Variants in PLCG2 observed in about 807,000 individuals in gnomAD.
The protein encoded by PLCG2 is phospholipase C gamma 2.
In PLCG2, 69 loss-of-function variants were observed where a neutral mutation model predicts 175.6. The ratio of observed to expected loss-of-function variants is 0.39; its 90% CI spans 0.32 to 0.48. The LOEUF is 0.48. Among genes scored for constraint, PLCG2 ranks in the 20% least tolerant of loss-of-function variants. The pLI is 0.91. For missense variants in PLCG2, 1,798 were observed against 1,650.9 expected, an observed-to-expected ratio of 1.09 and a Z score of -1.54; for synonymous variants, 827 against 624.0, an observed-to-expected ratio of 1.33 and a Z score of -4.85.
intron 2 of PLCG2, chr16:81,767,671 C>G (rs559323325): frequency 5.9e-5 from 9 of 151,972 alleles, no homozygotes; most frequent in African/African-American, 2.2e-4. Flanking sequence ...TAAGTTTTGT[C>G]AAATATGTAA....
chr16:81,805,757 G>GTTTTT (rs1911978295), intron 2 of PLCG2, among the ~76,000 whole-genome samples: 1 of 60,218 alleles, frequency 1.7e-5, no homozygotes, highest in African/African-American at 7.8e-5. Context: ...TGAGAGTAGT[G>GTTTTT]TTTTGTTTTG....
chr16:81,871,789 T>C (rs531488598), intron 7 of PLCG2, among the ~76,000 whole-genome samples: 4 of 152,318 alleles, frequency 2.6e-5, no homozygotes, highest in African/African-American at 9.6e-5. Flanking sequence ...GGCCTGAGAA[T>C]ATATTATCGG....
chr16:81,949,221 C>T (rs570579422), intron 31 of PLCG2, among the ~76,000 whole-genome samples: 3 of 152,268 alleles, frequency 2.0e-5, no homozygotes, highest in Non-Finnish European at 1.5e-5. Context: ...CGGTGGAGAG[C>T]TATTAATGAA....
chr16:81,874,795 T>C (rs544250802), intron 7 of PLCG2, among the ~76,000 whole-genome samples: 63 of 152,282 alleles, frequency 4.1e-4, no homozygotes, highest in Middle Eastern at 6.8e-3. Context: ...TCCAAAAGTT[T>C]GGCAGCAGCA....
intron 13 of PLCG2, among the ~76,000 whole-genome samples, chr16:81,899,923 C>G (rs1236398586): frequency 6.6e-6 from 1 of 152,184 alleles, no homozygotes; most frequent in Non-Finnish European, 1.5e-5. Flanking sequence ...AGGCCCTGAT[C>G]CTGTATTTCC....
chr16:81,905,098 G>A (rs931613600), intron 14 of PLCG2, among the ~76,000 whole-genome samples: 1 of 152,216 alleles, frequency 6.6e-6, no homozygotes, highest in African/African-American at 2.4e-5. Context: ...TGTTGGCCAG[G>A]CTGGTCTAGA....
intron 30 of PLCG2, among the ~76,000 whole-genome samples, chr16:81,944,568 A>T (rs187639285): frequency 1.0e-3 from 152 of 152,300 alleles, no homozygotes; most frequent in African/African-American, 3.4e-3. Context: ...GGGCTCAAGC[A>T]ATCCTCCTGC....
chr16:81,915,048 G>A (rs1306534973), intron 19 of PLCG2, among the ~76,000 whole-genome samples: 1 of 152,232 alleles, frequency 6.6e-6, no homozygotes, highest in Non-Finnish European at 1.5e-5. Context: ...TCTCTGGTCA[G>A]GGTATGGGGT....
At position 81,958,002 on chromosome 16, in the gene PLCG2, C is replaced by A; in HGVS notation, c.*4C>A. On this transcript the variant is annotated 3_prime_UTR_variant, in exon 33 of 33. Transcript: ENST00000564138. ...CAACAGCAAGTTTTACTCATAGAAG[C>A]TGGGGTATGTGTGTAAGGGTATTGT... 1.2e-6 allele frequency: 2 copies of A among 1,606,858 alleles called. No individual in the cohort carries two copies. Among genetic ancestry groups the A allele is most frequent in the Non-Finnish European group, 1.7e-6 (2 of 1,173,422 alleles).
intron 2 of PLCG2, among the ~76,000 whole-genome samples, chr16:81,827,920 G>C (rs189447329): frequency 6.6e-6 from 1 of 151,786 alleles, no homozygotes; most frequent in Non-Finnish European, 1.5e-5. Context: ...GAGAAACCCC[G>C]TCTCTACTAA....
At chr16:81,915,623 G>C (rs1397749504) in intron 19 of PLCG2, among the ~76,000 whole-genome samples, 1 of 152,184 alleles carries the variant, frequency 6.6e-6, no homozygotes, top group Non-Finnish European at 1.5e-5. Flanking sequence ...GCCAGACACT[G>C]TGCCGACAGC....
chr16:81,921,627 A>G, intron 21 of PLCG2: 1 of 353,258 alleles, frequency 2.8e-6, no homozygotes, highest in Non-Finnish European at 5.5e-6. Flanking sequence ...TTGCAGTGCA[A>G]ATGCTATCTC....
intron 2 of PLCG2, among the ~76,000 whole-genome samples, chr16:81,838,778 AATATATATAT>A (rs10549962): frequency 0.15 from 21,856 of 141,656 alleles, 1,764 homozygotes; most frequent in South Asian, 0.23. Flanking sequence ...AGTAAAATTA[AATATATATAT>A]ATATATATAT....
chr16:81,800,145 A>T (rs887201843), intron 2 of PLCG2, among the ~76,000 whole-genome samples: 1 of 152,194 alleles, frequency 6.6e-6, no homozygotes, highest in East Asian at 1.9e-4. Context: ...TACTTTGGGT[A>T]TCATAGTACC....
chr16:81,886,866 T>C (rs1404664686), intron 9 of PLCG2, among the ~76,000 whole-genome samples: 1 of 152,202 alleles, frequency 6.6e-6, no homozygotes, highest in African/African-American at 2.4e-5. Flanking sequence ...TTTATTTTCA[T>C]CCTTATTCTT....
At chr16:81,899,091 A>G (rs1312025416) in intron 13 of PLCG2, among the ~76,000 whole-genome samples, 1 of 152,166 alleles carries the variant, frequency 6.6e-6, no homozygotes, top group Non-Finnish European at 1.5e-5. Context: ...CAGGAGGCTG[A>G]GGCAGGAGAA....
intron 2 of PLCG2, among the ~76,000 whole-genome samples, chr16:81,809,387 C>T (rs1335411023): frequency 6.6e-6 from 1 of 152,170 alleles, no homozygotes; most frequent in Non-Finnish European, 1.5e-5. Flanking sequence ...CTGGCTTGTT[C>T]TGCACTGACT....
chr16:81,936,176 T>C lies in PLCG2; in HGVS notation c.2850T>C (p.Pro950=). Residue 950 remains proline, a synonymous_variant, in exon 27 of 33, where the codon CCT becomes CCC. Transcript: ENST00000564138. ...CTTTTTCTCTGTGTGCAGAAAATCC[T>C]GACTTCCGAGAAATCCGCTCCTTTG... ...TSKTKDNLEN[P]DFREIRSFVE... 1 of 1,614,052 alleles carries C rather than the reference T, an allele frequency of 6.2e-7. No homozygotes were observed. The highest frequency in any genetic ancestry group is 8.5e-7 in the Non-Finnish European group (1 of 1,180,028).
chr16:81,855,656 G>T (rs1273460870), intron 3 of PLCG2, among the ~76,000 whole-genome samples: 2 of 152,168 alleles, frequency 1.3e-5, no homozygotes, highest in African/African-American at 4.8e-5. Context: ...TGTGTACTGG[G>T]ATAAGACCTA....
Sources: allele counts gnomAD v4.1 joint callset (sites outside exome capture counted in the v4.1 genomes callset), GRCh38; gene constraint gnomAD v4.1.1; transcripts MANE v1.5; gene names NCBI Gene and HGNC (gene_info 2026-07-23, HGNC 2026-07-21).